Variants in KCNN3 observed in about 807,000 individuals in gnomAD.
The protein encoded by KCNN3 is potassium calcium-activated channel subfamily N member 3.
A neutral mutation model predicts 62.9 loss-of-function variants in KCNN3; 16 were observed. The observed-to-expected ratio is 0.25, with a 90% CI of 0.17 to 0.39. The LOEUF (loss-of-function observed/expected upper bound fraction) is 0.39. Among genes scored for constraint, KCNN3 ranks in the 10% least tolerant of loss-of-function variants. The pLI, the probability that KCNN3 is intolerant of heterozygous loss-of-function variation, is 1.00. For missense variants in KCNN3, 599 were observed against 949.4 expected, an observed-to-expected ratio of 0.63 and a Z score of 4.85; for synonymous variants, 370 against 389.2, an observed-to-expected ratio of 0.95 and a Z score of 0.58.
chr1:154,836,483 C>T (rs11264272), intron 1 of KCNN3, among the ~76,000 whole-genome samples: 35,238 of 152,198 alleles, frequency 0.23, 4,275 homozygotes, highest in Middle Eastern at 0.26. Context: ...CATCTCCGAC[C>T]CCACTTGCCA....
At chr1:154,795,325 G>A (rs1214923224) in intron 2 of KCNN3, among the ~76,000 whole-genome samples, 1 of 152,240 alleles carries the variant, frequency 6.6e-6, no homozygotes, top group African/African-American at 2.4e-5. Flanking sequence ...TAGGCTGACT[G>A]CGTGAAAGAA....
intron 2 of KCNN3, among the ~76,000 whole-genome samples, chr1:154,815,292 C>T (rs1270960079): frequency 2.0e-5 from 3 of 152,240 alleles, no homozygotes; most frequent in Non-Finnish European, 2.9e-5. Flanking sequence ...GCAGCCTCCA[C>T]CTCCCTTCGG....
chr1:154,843,537 A>C (rs960604000), intron 1 of KCNN3, among the ~76,000 whole-genome samples: 3 of 152,126 alleles, frequency 2.0e-5, no homozygotes, highest in African/African-American at 7.2e-5. Context: ...AAGTGCAGGG[A>C]TTACAAGTGT....
intron 2 of KCNN3, among the ~76,000 whole-genome samples, chr1:154,813,519 T>A (rs2101886390): frequency 6.6e-6 from 1 of 152,086 alleles, no homozygotes; most frequent in East Asian, 1.9e-4. Context: ...CCGAAACCAG[T>A]CTCCCCTCTG....
intron 3 of KCNN3, among the ~76,000 whole-genome samples, chr1:154,749,421 G>A (rs1471569492): frequency 6.6e-6 from 1 of 152,250 alleles, no homozygotes; most frequent in East Asian, 1.9e-4. Context: ...GGCAGGGTTA[G>A]TGTGGGAAGG....
At chr1:154,867,259 G>T (rs530690044) in intron 1 of KCNN3, among the ~76,000 whole-genome samples, 1 of 152,300 alleles carries the variant, frequency 6.6e-6, no homozygotes, top group Admixed American at 6.5e-5. Flanking sequence ...AGAAGGCAGC[G>T]AGCAGAAGGA....
At chr1:154,760,249 T>TAATTATTTAATATAAAAGTACGA (rs1184846761) in intron 3 of KCNN3, among the ~76,000 whole-genome samples, 4 of 151,760 alleles carry the variant, frequency 2.6e-5, no homozygotes, top group Non-Finnish European at 4.4e-5. Flanking sequence ...AAGTCATGTA[T>TAATTATTTAATATAAAAGTACGA]AATTATTTAA....
At chr1:154,771,827 C>G (rs1010865527) in intron 3 of KCNN3, 148 bp downstream of exon 3, 21 of 814,118 alleles carry the variant, frequency 2.6e-5, no homozygotes, top group Non-Finnish European at 4.1e-5. Flanking sequence ...CCCAACTCAG[C>G]ACTCCCCTCT....
intron 2 of KCNN3, among the ~76,000 whole-genome samples, chr1:154,815,662 A>G (rs1337052166): frequency 6.6e-6 from 1 of 152,250 alleles, no homozygotes; most frequent in Non-Finnish European, 1.5e-5. Flanking sequence ...GAATGGACTC[A>G]CCATTTTTAT....
intron 1 of KCNN3, among the ~76,000 whole-genome samples, chr1:154,828,598 G>C (rs755233029): frequency 1.3e-5 from 2 of 152,150 alleles, no homozygotes; most frequent in East Asian, 1.9e-4. Flanking sequence ...ACACTGGATC[G>C]GTCCTTTAAC....
chr1:154,760,960 G>T (rs1331459272), intron 3 of KCNN3, among the ~76,000 whole-genome samples: 1 of 152,246 alleles, frequency 6.6e-6, no homozygotes, highest in Non-Finnish European at 1.5e-5. Flanking sequence ...CTTGCATTGC[G>T]CTTGTTAGAG....
Position 154,706,573 on chromosome 1 carries a change from T to C in KCNN3, c.*1403A>G, listed in dbSNP as rs1256904869. The stretch of plus-strand genomic sequence containing the variant: ...TCTTGGAGTTTGAGATGTATTGGAA[T>C]AGTTTTTCGCACCAAGATTAACATG... On this transcript the variant is annotated 3_prime_UTR_variant, in exon 8 of 8. Transcript: ENST00000271915. The C allele has an allele frequency of 1.3e-5, 2 of 152,218 alleles. No individual in the cohort carries two copies. The highest frequency in any genetic ancestry group is 1.9e-4 in the East Asian group (1 of 5,196). The allele number at this position is 152,218 out of a possible 1,614,324, so 9.4% of individuals were successfully genotyped here.
At chr1:154,791,403 C>G (rs1018946712) in intron 2 of KCNN3, among the ~76,000 whole-genome samples, 2 of 151,804 alleles carry the variant, frequency 1.3e-5, no homozygotes, top group Non-Finnish European at 2.9e-5. Flanking sequence ...GATGTCTGCC[C>G]GCGACAGCTC....
At chr1:154,826,368 A>T (rs138929623) in intron 1 of KCNN3, among the ~76,000 whole-genome samples, 1 of 152,348 alleles carries the variant, frequency 6.6e-6, no homozygotes, top group East Asian at 1.9e-4. Context: ...AATAAAGCAC[A>T]TCTATAGGGG....
chr1:154,763,234 T>C (rs1045989950), intron 3 of KCNN3, among the ~76,000 whole-genome samples: 7 of 152,230 alleles, frequency 4.6e-5, no homozygotes, highest in African/African-American at 1.7e-4. Flanking sequence ...TGGTATCTTT[T>C]GGATTTATAA....
intron 3 of KCNN3, among the ~76,000 whole-genome samples, chr1:154,742,423 A>G (rs1291773564): frequency 6.6e-6 from 1 of 152,196 alleles, no homozygotes; most frequent in Non-Finnish European, 1.5e-5. Flanking sequence ...GTCTGCATGA[A>G]CTTATCCTCA....
Position 154,707,967 on chromosome 1 carries a change from G to A in KCNN3, c.*9C>T, listed in dbSNP as rs376699013. ...CTATGGGTAATGCTTCTGGAGTGGG[G>A]AGATTTATTTAGCAACTGCTTGAAC... is the stretch of plus-strand genomic sequence containing the variant. On this transcript the variant is annotated 3_prime_UTR_variant, in exon 8 of 8. Coordinates refer to ENST00000271915, the MANE Select transcript of KCNN3 (RefSeq NM_002249.6). 2.7e-4 allele frequency: 442 copies of A among 1,612,960 alleles called. 1 individual carries two copies. Among genetic ancestry groups the A allele is most frequent in the Non-Finnish European group, 3.3e-4 (388 of 1,179,436 alleles).
At chr1:154,725,481 A>G (rs748130503) in intron 5 of KCNN3, among the ~76,000 whole-genome samples, 37 of 151,968 alleles carry the variant, frequency 2.4e-4, no homozygotes, top group Admixed American at 3.3e-4. Context: ...GGTTCCCTCA[A>G]ACACACCCTT....
intron 5 of KCNN3, among the ~76,000 whole-genome samples, chr1:154,720,338 G>A (rs912791345): frequency 2.0e-5 from 3 of 152,238 alleles, no homozygotes; most frequent in East Asian, 1.9e-4. Context: ...CCTTGTGCGT[G>A]ATGTAATTTA....
Sources: gnomAD v4.1 joint callset for allele counts (sites outside exome capture counted in the v4.1 genomes callset) on GRCh38, gnomAD v4.1.1 for gene constraint, MANE v1.5 for transcripts, NCBI Gene and HGNC (gene_info 2026-07-23, HGNC 2026-07-21) for gene names.